The following MAP3K2 variants were observed in gnomAD, a reference collection of about 807,000 sequenced individuals.
MAP3K2 encodes mitogen-activated protein kinase kinase kinase 2.
A neutral mutation model predicts 80.3 loss-of-function variants in MAP3K2; 24 were observed. The observed-to-expected ratio is 0.30, with a 90% CI of 0.22 to 0.42. The LOEUF (loss-of-function observed/expected upper bound fraction) is 0.42, where lower values mean the gene tolerates loss of function less well. Ranked by LOEUF, MAP3K2 falls within the 10% of genes least tolerant of loss-of-function variation. MAP3K2 has a pLI of 1.00. For missense variants in MAP3K2, 608 were observed against 750.1 expected (o/e 0.81, Z 2.21); for synonymous variants, 244 against 253.7 (o/e 0.96, Z 0.36).
chr2:127,379,218 T>A (rs1299681204), intron 1 of MAP3K2, among the ~76,000 whole-genome samples: 1 of 152,120 alleles, frequency 6.6e-6, no homozygotes, highest in Non-Finnish European at 1.5e-5. Context: ...AAATACTACC[T>A]CCCAATCACA....
chr2:127,309,518 G>A (rs1685771317), intron 15 of MAP3K2, among the ~76,000 whole-genome samples: 1 of 152,092 alleles, frequency 6.6e-6, no homozygotes, highest in African/African-American at 2.4e-5. Context: ...TATTAACCAA[G>A]TTCATACTTT....
rs1192556744 is a variant in MAP3K2, at chr2:127,387,587, G to A, written c.-201C>T. 1 of 984,902 alleles carries A rather than the reference G, an allele frequency of 1.0e-6. No homozygotes were observed. Among genetic ancestry groups the A allele is most frequent in the South Asian group, 4.7e-5 (1 of 21,292 alleles). 61.0% of individuals were successfully genotyped at this position (984,902 alleles called of 1,614,324 possible). A position where few individuals can be genotyped will look rare whatever the true frequency, so the allele number is the denominator to read the frequency against. On this transcript the variant is annotated 5_prime_UTR_variant, in exon 1 of 17. Coordinates refer to ENST00000682094, the MANE Select transcript of MAP3K2 (RefSeq NM_001371910.2). ...TGCCGCAGGGCCCCCGGGGACCGGAGGGGCGCGCGAGGAGTCGGGCGCGGG... is the reference window on the plus strand; with the variant it reads ...TGCCGCAGGGCCCCCGGGGACCGGAAGGGCGCGCGAGGAGTCGGGCGCGGG...
chr2:127,378,983 T>TG lies in MAP3K2; in HGVS notation c.-66+8468_-66+8469insC, dbSNP rs946774481. ...CTAATTTTGTGGGGTTTTTTGTTGT[T>TG]TTTTTTTTTTTTTTTTTTTGGAGAG... On this transcript the variant is annotated intron_variant, in intron 1 of 16. Transcript: ENST00000682094. Among the ~76,000 whole-genome samples, 237 of 41,252 alleles carry TG rather than the reference T, an allele frequency of 5.7e-3. 3 individuals carry two copies. Among genetic ancestry groups the TG allele is most frequent in the East Asian group, 0.05 (29 of 578 alleles). 27.1% of individuals were successfully genotyped at this position (41,252 alleles called of 152,430 possible).
intron 5 of MAP3K2, among the ~76,000 whole-genome samples, chr2:127,333,275 A>ATAACAC (rs1553517131): frequency 7.5e-6 from 1 of 132,866 alleles, no homozygotes; most frequent in Non-Finnish European, 1.6e-5. Flanking sequence ...ACCAACCCTC[A>ATAACAC]TAACACACAC....
In MAP3K2 at chr2:127,387,702, C is replaced by G; in HGVS notation, c.-316G>C. On this transcript the variant is annotated 5_prime_UTR_variant, in exon 1 of 17. Coordinates refer to ENST00000682094, the MANE Select transcript of MAP3K2 (RefSeq NM_001371910.2). ...AATCCTCGCAGCCGGCCGGGTCCTC[C>G]TGGCGCTCCTCGGCACTTCTAGCCG... The G allele has an allele frequency of 2.0e-6, 2 of 985,368 alleles. No individual in the cohort carries two copies. The highest frequency in any genetic ancestry group is 2.4e-6 in the Non-Finnish European group (2 of 829,954). 61.0% of individuals were successfully genotyped at this position (985,368 alleles called of 1,614,324 possible).
Position 127,317,657 on chromosome 2 carries a change from A to T in MAP3K2, c.1298T>A (p.Leu433His), listed in dbSNP as rs1280436100. The T allele has an allele frequency of 6.3e-7, 1 of 1,582,950 alleles. No individual in the cohort carries two copies. Among genetic ancestry groups the T allele is most frequent in the Non-Finnish European group, 8.6e-7 (1 of 1,162,912 alleles). The change falls in exon 14 of 17, where the codon CTT becomes CAT. Residue 433 changes from leucine (L) to histidine (H), a missense_variant. Leu to His is a moderately conservative substitution (Grantham distance 99, BLOSUM62 -3). This residue lies in a region of MAP3K2 where 467 missense variants were observed against 521.9 expected (regional missense o/e 0.89). Transcript: ENST00000682094. ...TGGCATATATTCCATAAATATGGAA[A>T]GTGTTTTTTCCTGGGGATCCCTCAA... ...GCLRDPQEKT[L>H]SIFMEYMPGG...
intron 1 of MAP3K2, among the ~76,000 whole-genome samples, chr2:127,369,042 G>C (rs1441675434): frequency 1.3e-5 from 2 of 151,922 alleles, no homozygotes; most frequent in African/African-American, 2.4e-5. Flanking sequence ...CCGACTCCCT[G>C]GTTCATGCGA....
chr2:127,300,034 A>C lies in MAP3K2; in HGVS notation c.*7545T>G, dbSNP rs895006718. On this transcript the variant is annotated 3_prime_UTR_variant, in exon 17 of 17. Coordinates refer to ENST00000682094, the MANE Select transcript of MAP3K2 (RefSeq NM_001371910.2). ...GTAATGGATTTTATAATACATTATA[A>C]AATTTTCTAATTTCTATTAATGTCG... is the stretch of plus-strand genomic sequence containing the variant. 17 of 152,114 alleles carry C rather than the reference A, an allele frequency of 1.1e-4. No individual in the cohort carries two copies. Among genetic ancestry groups the C allele is most frequent in the Non-Finnish European group, 2.2e-4 (15 of 67,986 alleles). 9.4% of individuals were successfully genotyped at this position (152,114 alleles called of 1,614,324 possible).
Position 127,322,313 on chromosome 2 carries a change from T to C in MAP3K2, c.839-61A>G. 2.7e-6 allele frequency: 3 copies of C among 1,123,220 alleles called. No homozygotes were observed. Among genetic ancestry groups the C allele is most frequent in the Non-Finnish European group, 2.5e-6 (2 of 787,894 alleles). 69.6% of individuals were successfully genotyped at this position (1,123,220 alleles called of 1,614,324 possible). A position where few individuals can be genotyped will look rare whatever the true frequency, so the allele number is the denominator to read the frequency against. ...ATTAATATGTTATACTTTTAAAGTA[T>C]TTAAAATTTGTAATGTAGAGAATAG... On this transcript the variant is annotated intron_variant, in intron 11 of 16. Coordinates refer to ENST00000682094, the MANE Select transcript of MAP3K2 (RefSeq NM_001371910.2). The surrounding 1 kb of genome is among the most constrained non-coding windows in gnomAD (Gnocchi z 4.2).
chr2:127,383,725 A>G lies in MAP3K2; in HGVS notation c.-66+3727T>C, dbSNP rs184664223. Among the ~76,000 whole-genome samples, 882 of 152,322 alleles carry G rather than the reference A, an allele frequency of 5.8e-3. 5 individuals carry two copies. Among genetic ancestry groups the G allele is most frequent in the Non-Finnish European group, 8.7e-3 (590 of 68,032 alleles). On this transcript the variant is annotated intron_variant, in intron 1 of 16. Coordinates refer to ENST00000682094, the MANE Select transcript of MAP3K2 (RefSeq NM_001371910.2). ...TAATCTCAACATTTTGGGAGGCCAAAGTGGGAGGACCATCTGAGGCAAAGA... is the reference window on the plus strand; with the variant it reads ...TAATCTCAACATTTTGGGAGGCCAAGGTGGGAGGACCATCTGAGGCAAAGA...
intron 5 of MAP3K2, among the ~76,000 whole-genome samples, chr2:127,333,277 A>AACAC (rs35382458): frequency 0.021 from 3,031 of 144,832 alleles, 75 homozygotes; most frequent in African/African-American, 0.057. Flanking sequence ...CAACCCTCAT[A>AACAC]ACACACACAC....
chr2:127,345,429 T>G (rs1330692642), intron 1 of MAP3K2, among the ~76,000 whole-genome samples: 1 of 152,168 alleles, frequency 6.6e-6, no homozygotes, highest in African/African-American at 2.4e-5. Context: ...AAATAAAAGT[T>G]GGAGATTTCA....
rs1028047334 is a variant in MAP3K2 at position 127,306,157 on chromosome 2, ATTACATCACT to A, written c.*1412_*1421del. The A allele has an allele frequency of 6.6e-6, 1 of 152,242 alleles. No individual in the cohort carries two copies. Among genetic ancestry groups the A allele is most frequent in the African/African-American group, 2.4e-5 (1 of 41,570 alleles). 9.4% of individuals were successfully genotyped at this position (152,242 alleles called of 1,614,324 possible). A position where few individuals can be genotyped will look rare whatever the true frequency, so the allele number is the denominator to read the frequency against. On this transcript the variant is annotated 3_prime_UTR_variant, in exon 17 of 17. Coordinates refer to ENST00000682094, the MANE Select transcript of MAP3K2 (RefSeq NM_001371910.2). This position sits in a 1 kb window ranked among gnomAD's most constrained non-coding sequence, Gnocchi z 4.7. ...TGATCTTGTAAAATCCTCAATTTGC[ATTACATCACT>A]TTCTCTTTGCGACTTCCTTTTCTTT... is the stretch of plus-strand genomic sequence containing the variant.
intron 1 of MAP3K2, among the ~76,000 whole-genome samples, chr2:127,371,125 G>A (rs937792880): frequency 2.0e-5 from 3 of 152,176 alleles, no homozygotes; most frequent in South Asian, 2.1e-4. Context: ...ATTTCCTTAC[G>A]AAAGGAATGA....
intron 1 of MAP3K2, among the ~76,000 whole-genome samples, chr2:127,371,471 T>C (rs1332981338): frequency 6.6e-6 from 1 of 152,230 alleles, no homozygotes; most frequent in Non-Finnish European, 1.5e-5. Context: ...GAGCCATTTG[T>C]TGAATTTATC....
Position 127,323,947 on chromosome 2 carries a change from G to C in MAP3K2, c.793C>G (p.Pro265Ala), listed in dbSNP as rs1370684315. 6.4e-7 allele frequency: 1 copy of C among 1,567,670 alleles called. No homozygotes were observed. Among genetic ancestry groups the C allele is most frequent in the Non-Finnish European group, 8.7e-7 (1 of 1,149,500 alleles). The stretch of plus-strand genomic sequence containing the variant: ...TGATATGAAACATGATACCTTCTTG[G>C]ATATGTTCCTCCTTTTCCAAATTTC... ...FEKFGKGGTYPRRYHVSYHHQ... is the reference protein window; with the variant it reads ...FEKFGKGGTYARRYHVSYHHQ... The change falls in exon 11 of 17, where the codon CCA (proline) becomes GCA (alanine). Residue 265 changes from proline (P) to alanine (A), a missense_variant. Transcript: ENST00000682094.
chr2:127,387,398 G>GCGCGCGCGCGCACCCACACACACACA, intron 1 of MAP3K2, 54 bp downstream of exon 1: 1 of 189,654 alleles, frequency 5.3e-6, no homozygotes, highest in Non-Finnish European at 8.7e-6. Flanking sequence ...ACACACGCGC[G>GCGCGCGCGCGCACCCACACACACACA]CACACACACA....
intron 12 of MAP3K2, among the ~76,000 whole-genome samples, chr2:127,319,031 T>C (rs4662720): frequency 0.76 from 115,161 of 151,884 alleles, 43,878 homozygotes; most frequent in East Asian, 1. Flanking sequence ...CATGCACTCA[T>C]AGGAGCAGGA....
intron 14 of MAP3K2, chr2:127,317,116 T>G (rs1420813402): frequency 1.3e-5 from 2 of 151,672 alleles, no homozygotes; most frequent in Non-Finnish European, 2.9e-5. Flanking sequence ...TATCCTCTTC[T>G]CTTTGTCAAA....
Sources: allele counts gnomAD v4.1 joint callset (sites outside exome capture counted in the v4.1 genomes callset), GRCh38; gene constraint gnomAD v4.1.1; regional missense constraint gnomAD v4.1.1; non-coding constraint Gnocchi (gnomAD v3.1); transcripts MANE v1.5; gene names NCBI Gene and HGNC (gene_info 2026-07-23, HGNC 2026-07-21).